SORBS2: variants seen among roughly 807,000 people sequenced by gnomAD.
SORBS2 encodes sorbin and SH3 domain containing 2, also known as sorbin and SH3 domain-containing protein 2.
A neutral mutation model predicts 97.7 loss-of-function variants in SORBS2; 46 were observed. The ratio of observed to expected loss-of-function variants is 0.47; its 90% CI spans 0.37 to 0.60. The LOEUF (loss-of-function observed/expected upper bound fraction) is 0.60. SORBS2 is among the 20% of genes least tolerant of loss of function. The probability of loss-of-function intolerance (pLI) is 0.00; values close to 1 mark genes in which losing one functional copy is unlikely to be tolerated. For missense variants in SORBS2, 1,316 were observed against 1,282.3 expected (o/e 1.03, Z -0.40); for synonymous variants, 476 against 473.4 (o/e 1.01, Z -0.07).
intron 3 of SORBS2, among the ~76,000 whole-genome samples, chr4:185,647,236 G>A (rs1324120537): frequency 5.3e-5 from 8 of 152,056 alleles, no homozygotes; most frequent in African/African-American, 1.2e-4. Context: ...ACAGGAGGTC[G>A]TCTTTTGGTG....
intron 2 of SORBS2, among the ~76,000 whole-genome samples, chr4:185,737,514 G>T (rs2153580776): frequency 6.6e-6 from 1 of 152,302 alleles, no homozygotes; most frequent in East Asian, 1.9e-4. Flanking sequence ...ATTCTGTCAT[G>T]AAACATAAAA....
intron 4 of SORBS2, 97 bp from the exon 17 acceptor site, chr4:185,630,695 T>C: frequency 1.5e-6 from 1 of 686,994 alleles, no homozygotes; most frequent in Non-Finnish European, 2.6e-6. Flanking sequence ...AAGAATATTA[T>C]AAAAATTGAG....
chr4:185,873,037 G>A (rs1472475042), intron 1 of SORBS2, among the ~76,000 whole-genome samples: 1 of 152,130 alleles, frequency 6.6e-6, no homozygotes, highest in African/African-American at 2.4e-5. Flanking sequence ...AGCATAGAGA[G>A]GATGCTTATT....
In SORBS2 at chr4:185,860,211, A is replaced by G. The variant is rs192044872; in HGVS notation, c.-337-84845T>C. Among the ~76,000 whole-genome samples the G allele has an allele frequency of 2.7e-3, 405 of 152,232 alleles. 1 individual carries two copies. The highest frequency in any genetic ancestry group is 9.5e-3 in the African/African-American group (396 of 41,570). On this transcript the variant is annotated intron_variant, in intron 1 of 20. Coordinates refer to the SORBS2 transcript ENST00000284776. ...ATTCGGGAAGCAACTGTTGAACCCT[A>G]TAAGTCTCAAAGACTGCACCAGCTA...
intron 12 of SORBS2, among the ~76,000 whole-genome samples, chr4:185,610,269 A>G (rs1487761750): frequency 6.6e-6 from 1 of 152,192 alleles, no homozygotes; most frequent in Admixed American, 6.5e-5. Flanking sequence ...TTTCTGTGAT[A>G]GTTATTTAAA....
At chr4:185,874,036 C>T (rs1178604660) in intron 1 of SORBS2, among the ~76,000 whole-genome samples, 2 of 152,094 alleles carry the variant, frequency 1.3e-5, no homozygotes, top group Non-Finnish European at 2.9e-5. Flanking sequence ...TTTTATCCTG[C>T]AATTTCACTT....
At chr4:185,664,006 C>G (rs1019919726) in intron 4 of SORBS2, among the ~76,000 whole-genome samples, 1 of 151,908 alleles carries the variant, frequency 6.6e-6, no homozygotes, top group East Asian at 1.9e-4. Context: ...AGGCGCCCAC[C>G]ACCACGCCCG....
intron 2 of SORBS2, among the ~76,000 whole-genome samples, chr4:185,767,499 CAAAAA>C (rs70962594): frequency 8.2e-5 from 5 of 60,694 alleles, no homozygotes; most frequent in African/African-American, 2.5e-4. Context: ...GACTCTGTCT[CAAAAA>C]AAAAAAAAAA....
At chr4:185,847,833 G>A (rs1018024023) in intron 1 of SORBS2, among the ~76,000 whole-genome samples, 1 of 152,144 alleles carries the variant, frequency 6.6e-6, no homozygotes, top group African/African-American at 2.4e-5. Flanking sequence ...TGGCTTCATC[G>A]GCAAGGATTG....
intron 1 of SORBS2, among the ~76,000 whole-genome samples, chr4:185,797,377 G>T (rs1340492490): frequency 1.3e-5 from 2 of 152,174 alleles, no homozygotes; most frequent in East Asian, 3.9e-4. Flanking sequence ...ATTTGATACT[G>T]TTACCAGTTA....
chr4:185,869,739 C>T (rs2099229352), intron 1 of SORBS2, among the ~76,000 whole-genome samples: 1 of 152,150 alleles, frequency 6.6e-6, no homozygotes, highest in Non-Finnish European at 1.5e-5. Flanking sequence ...GCCAGAGTCA[C>T]CAGGCAGGGA....
chr4:185,623,995 C>A lies in SORBS2; in HGVS notation c.1134G>T (p.Lys378Asn). The A allele has an allele frequency of 6.2e-7, 1 of 1,614,212 alleles. No homozygotes were observed. Among genetic ancestry groups the A allele is most frequent in the South Asian group, 1.1e-5 (1 of 91,088 alleles). Residue 378 changes from lysine (K) to asparagine (N), a missense_variant, in exon 7 of 15, where the codon AAG becomes AAT. Physicochemically the swap from Lys to Asn is moderately conservative, Grantham distance 94. Transcript: ENST00000418609. This position sits in a 1 kb window ranked among gnomAD's most constrained non-coding sequence, Gnocchi z 6.4. ...CGCTCTCGTACTGCAGAATCCTGGA[C>A]TTCACGGAGCAGATCACCTCGGAGT...
At chr4:185,900,412 G>C (rs148230937) in intron 1 of SORBS2, among the ~76,000 whole-genome samples, 7 of 152,210 alleles carry the variant, frequency 4.6e-5, no homozygotes, top group Non-Finnish European at 7.4e-5. Context: ...ACTCAACTTG[G>C]ATTTATATGA....
At chr4:185,621,115 C>G (rs909067129) in intron 7 of SORBS2, among the ~76,000 whole-genome samples, 1 of 152,076 alleles carries the variant, frequency 6.6e-6, no homozygotes, top group Non-Finnish European at 1.5e-5. Flanking sequence ...TTAAATATAT[C>G]TAGTTATCCA....
intron 1 of SORBS2, among the ~76,000 whole-genome samples, chr4:185,805,581 C>T (rs2099149737): frequency 6.6e-6 from 1 of 152,184 alleles, no homozygotes; most frequent in Non-Finnish European, 1.5e-5. Flanking sequence ...CCATTCACCA[C>T]TCTCCTGACC....
At chr4:185,714,404 AT>A (rs1174365688) in intron 2 of SORBS2, among the ~76,000 whole-genome samples, 1 of 152,230 alleles carries the variant, frequency 6.6e-6, no homozygotes, top group Non-Finnish European at 1.5e-5. Flanking sequence ...ATTAAGTAGA[AT>A]AATGGCAGAT....
chr4:185,846,645 G>A (rs2099214709), intron 1 of SORBS2, among the ~76,000 whole-genome samples: 1 of 152,200 alleles, frequency 6.6e-6, no homozygotes, highest in Admixed American at 6.5e-5. Flanking sequence ...AATTTCACTG[G>A]TAAAGCCTGA....
chr4:185,705,895 C>G (rs2098335695), intron 2 of SORBS2, among the ~76,000 whole-genome samples: 1 of 152,082 alleles, frequency 6.6e-6, no homozygotes. Context: ...TAATGGTGTC[C>G]CTAGACACCA....
intron 4 of SORBS2, among the ~76,000 whole-genome samples, chr4:185,639,995 T>C (rs2097099962): frequency 6.6e-6 from 1 of 152,234 alleles, no homozygotes; most frequent in African/African-American, 2.4e-5. Context: ...ATTGACTCGT[T>C]GCATTTACAA....
Sources: allele counts gnomAD v4.1 joint callset (sites outside exome capture counted in the v4.1 genomes callset), GRCh38; gene constraint gnomAD v4.1.1; non-coding constraint Gnocchi (gnomAD v3.1); transcripts MANE v1.5; gene names NCBI Gene and HGNC (gene_info 2026-07-23, HGNC 2026-07-21).